The following TEX11 variants were observed in gnomAD, a reference collection of about 807,000 sequenced individuals.
The protein encoded by TEX11 is testis-expressed protein 11.
In TEX11, 7 loss-of-function variants were observed where a neutral mutation model predicts 84.4. That is an observed-to-expected ratio of 0.08 (90% CI 0.05 to 0.16). The LOEUF is 0.16. TEX11 is among the 10% of genes least tolerant of loss of function. The pLI, the probability that TEX11 is intolerant of heterozygous loss-of-function variation, is 1.00. For missense variants in TEX11, 551 were observed against 660.5 expected (o/e 0.83, Z 1.82); for synonymous variants, 264 against 222.8 (o/e 1.18, Z -1.64).
intron 2 of TEX11, among the ~76,000 whole-genome samples, chrX:70,883,732 AT>A (rs1366514067): frequency 1.4e-4 from 16 of 112,456 alleles, no homozygotes; most frequent in African/African-American, 5.2e-4. Flanking sequence ...AGTCCATTTA[AT>A]TTAAATGAGA....
At chrX:70,794,950 G>T (rs757452475) in intron 9 of TEX11, among the ~76,000 whole-genome samples, 3 of 107,865 alleles carry the variant, frequency 2.8e-5, no homozygotes, top group African/African-American at 1.0e-4. Context: ...ACAAAAAAAA[G>T]GGGAAGATGA....
intron 7 of TEX11, among the ~76,000 whole-genome samples, chrX:70,845,080 C>T (rs2091471583): frequency 8.9e-6 from 1 of 112,157 alleles, no homozygotes; most frequent in Admixed American, 9.5e-5. Context: ...ACATGCTAAC[C>T]TAAGTGTCCA....
At chrX:70,569,983 T>C (rs1363974369) in intron 25 of TEX11, among the ~76,000 whole-genome samples, 4 of 111,959 alleles carry the variant, frequency 3.6e-5, no homozygotes, top group Non-Finnish European at 7.5e-5. Context: ...TTGCTGTCTT[T>C]GTTTGTCTGT....
In TEX11 at chrX:70,552,718, G is replaced by A. The variant is rs767854497; in HGVS notation, c.2400-472C>T. On this transcript the variant is annotated intron_variant, in intron 27 of 29. Transcript: ENST00000374333. Reference sequence around the variant, plus strand: ...ATGTCTGGACACAGAAAACAAAAAAGTCTCCAATAGATAATATTTTATACA... The same window carrying A: ...ATGTCTGGACACAGAAAACAAAAAAATCTCCAATAGATAATATTTTATACA... Among the ~76,000 whole-genome samples the A allele has an allele frequency of 2.0e-4, 22 of 111,875 alleles. 1 individual carries two copies. Among genetic ancestry groups the A allele is most frequent in the Middle Eastern group, 4.6e-3 (1 of 218 alleles).
chrX:70,704,285 A>G (rs1321815899), intron 13 of TEX11, among the ~76,000 whole-genome samples: 1 of 110,798 alleles, frequency 9.0e-6, no homozygotes, highest in Non-Finnish European at 1.9e-5. Context: ...TTTATAAATT[A>G]CCCAGCCTCA....
At chrX:70,899,158 A>AGATAATTGACTACT (rs2091789401) in intron 2 of TEX11, among the ~76,000 whole-genome samples, 1 of 112,052 alleles carries the variant, frequency 8.9e-6, no homozygotes, top group Non-Finnish European at 1.9e-5. Flanking sequence ...AAAGCCAATT[A>AGATAATTGACTACT]TCTTGACTGA....
At chrX:70,736,881 C>T (rs4240817) in intron 11 of TEX11, among the ~76,000 whole-genome samples, 15 of 111,261 alleles carry the variant, frequency 1.3e-4, no homozygotes, top group Admixed American at 3.9e-4. Context: ...ACATGAACAG[C>T]GGGATCAAAT....
chrX:70,605,283 G>A (rs1391907484), intron 24 of TEX11, 118 bp downstream of exon 24: 7 of 439,129 alleles, frequency 1.6e-5, no homozygotes, highest in East Asian at 1.2e-4. Flanking sequence ...AAATCAAGAC[G>A]ATGCTGGAGT....
chrX:70,518,259 T>C, the TEX11 span, among the ~76,000 whole-genome samples: 1 of 111,918 alleles, frequency 8.9e-6, no homozygotes, highest in Non-Finnish European at 1.9e-5. Flanking sequence ...TGTGGGCAAT[T>C]AGTGCTACAA....
At chrX:70,818,475 C>T (rs1052725707) in intron 8 of TEX11, among the ~76,000 whole-genome samples, 4 of 110,785 alleles carry the variant, frequency 3.6e-5, no homozygotes, top group Non-Finnish European at 7.6e-5. Context: ...GCTATGAGTT[C>T]CAAAGTGAAG....
intron 9 of TEX11, among the ~76,000 whole-genome samples, chrX:70,768,867 T>C (rs2090956415): frequency 8.9e-6 from 1 of 112,076 alleles, no homozygotes; most frequent in Non-Finnish European, 1.9e-5. Context: ...AAGGCCATAG[T>C]AGATTTAACA....
intron 10 of TEX11, among the ~76,000 whole-genome samples, chrX:70,742,808 T>C (rs773616653): frequency 2.7e-5 from 3 of 110,699 alleles, no homozygotes; most frequent in African/African-American, 9.8e-5. Flanking sequence ...TCACAGCTCA[T>C]TGCAGCCTCA....
intron 17 of TEX11, among the ~76,000 whole-genome samples, chrX:70,639,559 C>A (rs1393751746): frequency 8.9e-6 from 1 of 111,909 alleles, no homozygotes; most frequent in Admixed American, 9.5e-5. Context: ...TCCCAGTACG[C>A]AGCTGGAGAT....
chrX:70,604,132 T>C (rs772439060), intron 24 of TEX11, among the ~76,000 whole-genome samples: 60 of 111,874 alleles, frequency 5.4e-4, no homozygotes, highest in African/African-American at 1.7e-3. Flanking sequence ...ATAATGATTG[T>C]ACTTAAGAGT....
chrX:70,731,264 A>G (rs2090647769), intron 11 of TEX11, among the ~76,000 whole-genome samples: 2 of 111,663 alleles, frequency 1.8e-5, no homozygotes, highest in Admixed American at 1.9e-4. Context: ...AAGAGCAAAC[A>G]CATGCAAAAG....
chrX:70,670,827 G>A (rs1408044522), intron 15 of TEX11, among the ~76,000 whole-genome samples: 1 of 111,670 alleles, frequency 9.0e-6, no homozygotes, highest in African/African-American at 3.2e-5. Flanking sequence ...AAACAACAAC[G>A]ACAAAAATTT....
chrX:70,819,989 A>G (rs1307319984), intron 8 of TEX11, among the ~76,000 whole-genome samples: 2 of 112,104 alleles, frequency 1.8e-5, no homozygotes, highest in African/African-American at 6.5e-5. Context: ...AAATGTCCAT[A>G]CTACCTAAAA....
At chrX:70,554,980 C>A (rs2088267083) in intron 25 of TEX11, among the ~76,000 whole-genome samples, 180 bp from the exon 26 acceptor site, 1 of 111,902 alleles carries the variant, frequency 8.9e-6, no homozygotes, top group Non-Finnish European at 1.9e-5. Flanking sequence ...TTATTTGATT[C>A]TAACATTTTA....
At chrX:70,677,928 C>T (rs2090088004) in intron 15 of TEX11, among the ~76,000 whole-genome samples, 1 of 106,284 alleles carries the variant, frequency 9.4e-6, no homozygotes, top group South Asian at 4.3e-4. Flanking sequence ...ATTCCCCTGC[C>T]TCAGCCTCCT....
Sources: allele counts gnomAD v4.1 joint callset (sites outside exome capture counted in the v4.1 genomes callset), GRCh38; gene constraint gnomAD v4.1.1; transcripts MANE v1.5; gene names NCBI Gene and HGNC (gene_info 2026-07-23, HGNC 2026-07-21).